The following MSGN1 variants were observed in gnomAD, a reference collection of about 807,000 sequenced individuals.
The protein encoded by MSGN1 is mesogenin 1.
In MSGN1, 3 loss-of-function variants were observed where a neutral mutation model predicts 10.1. The observed-to-expected ratio is 0.30, with a 90% CI of 0.13 to 0.76. The LOEUF is 0.76. Among genes scored for constraint, MSGN1 ranks in the 30% least tolerant of loss-of-function variants. The pLI is 0.67. For synonymous variants in MSGN1, 110 were observed against 103.8 expected, an observed-to-expected ratio of 1.06 and a Z score of -0.37; for missense variants, 244 against 244.5, an observed-to-expected ratio of 1.00 and a Z score of 0.01.
chr2:17,817,551 T>C lies in MSGN1; in HGVS notation c.*451T>C, dbSNP rs1673594635. ...ATATCTGGATTCTTATTTAGAAAGA[T>C]TTGTGCCAAGTAAAGGGCTTTAGTG... On this transcript the variant is annotated 3_prime_UTR_variant, in exon 1 of 1. Transcript: ENST00000281047. Among the ~76,000 whole-genome samples, 1 of 152,228 alleles carries C rather than the reference T, an allele frequency of 6.6e-6. No individual in the cohort carries two copies. The highest frequency in any genetic ancestry group is 1.5e-5 in the Non-Finnish European group (1 of 68,048).
chr2:17,817,226 T>A lies in MSGN1; in HGVS notation c.*126T>A. 1.2e-6 allele frequency: 1 copy of A among 831,268 alleles called. No homozygotes were observed. The allele number at this position is 831,268 out of a possible 1,614,324, so 51.5% of individuals were successfully genotyped here. A position where few individuals can be genotyped will look rare whatever the true frequency, so the allele number is the denominator to read the frequency against. ...TTTTTATGTAGTAAGCCTGATAATC[T>A]TGTGATCTGAAAAACCCTAAGGGAA... On this transcript the variant is annotated 3_prime_UTR_variant, in exon 1 of 1. Transcript: ENST00000281047.
Position 17,816,699 on chromosome 2 carries a change from T to C in MSGN1, c.181T>C (p.Cys61Arg). 1.2e-6 allele frequency: 2 copies of C among 1,614,220 alleles called. No individual in the cohort carries two copies. The highest frequency in any genetic ancestry group is 1.7e-6 in the Non-Finnish European group (2 of 1,180,022). Reference protein sequence around the residue: ...PSLESYSSSPCPAVAGLPCEH... With the variant: ...PSLESYSSSPRPAVAGLPCEH... Reference sequence around the variant, plus strand: ...GCTGGAATCCTATTCTTCTTCTCCCTGTCCAGCTGTGGCTGGGCTGCCCTG... The same window carrying C: ...GCTGGAATCCTATTCTTCTTCTCCCCGTCCAGCTGTGGCTGGGCTGCCCTG... The change falls in exon 1 of 1, where the codon TGT becomes CGT. Residue 61 changes from cysteine (C) to arginine (R), a missense_variant. Coordinates refer to ENST00000281047, the MANE Select transcript of MSGN1 (RefSeq NM_001105569.3).
Position 17,816,956 on chromosome 2 carries a change from C to T in MSGN1, c.438C>T (p.Thr146=), listed in dbSNP as rs770212303. 2 of 1,614,204 alleles carry T rather than the reference C, an allele frequency of 1.2e-6. No individual in the cohort carries two copies. Among genetic ancestry groups the T allele is most frequent in the Non-Finnish European group, 8.5e-7 (1 of 1,180,032 alleles). Residue 146 remains threonine (T), a synonymous_variant, in exon 1 of 1, where the codon ACC becomes ACT. Coordinates refer to ENST00000281047, the MANE Select transcript of MSGN1 (RefSeq NM_001105569.3). ...RMRTLADALH[T]LRNYLPPVYS... is the part of the protein sequence containing the mutation. ...GGACCTTGGCAGATGCCCTGCACACCCTCCGGAATTACCTGCCACCTGTCT... is the reference window on the plus strand; with the variant it reads ...GGACCTTGGCAGATGCCCTGCACACTCTCCGGAATTACCTGCCACCTGTCT...
Position 17,816,896 on chromosome 2 carries a change from G to A in MSGN1, c.378G>A (p.Arg126=). 1 of 1,614,248 alleles carries A rather than the reference G, an allele frequency of 6.2e-7. No homozygotes were observed. Among genetic ancestry groups the A allele is most frequent in the Non-Finnish European group, 8.5e-7 (1 of 1,180,034 alleles). The change falls in exon 1 of 1, where the codon AGG becomes AGA. Residue 126 remains arginine, a synonymous_variant. Coordinates refer to ENST00000281047, the MANE Select transcript of MSGN1 (RefSeq NM_001105569.3). ...GTKVRMSVQR[R]RKASEREKLR... ...AAGTCAGGATGTCTGTCCAGCGGAG[G>A]CGGAAAGCCAGCGAGAGGGAGAAGC...
In MSGN1 at chr2:17,816,559, G is replaced by C. The variant is rs1673569775; in HGVS notation, c.41G>C (p.Gly14Ala). Residue 14 changes from glycine to alanine, a missense_variant, in exon 1 of 1, where the codon GGC (glycine) becomes GCC (alanine). Gly to Ala is a moderately conservative substitution (Grantham distance 60, BLOSUM62 0). Coordinates refer to ENST00000281047, the MANE Select transcript of MSGN1 (RefSeq NM_001105569.3). ...LRETFLSLED[G>A]LGSSDSPGLL... ...GAGACTTTCCTCAGCCTCGAGGATG[G>C]CTTGGGCTCCTCTGACAGCCCTGGC... is the stretch of plus-strand genomic sequence containing the variant. 3.1e-6 allele frequency: 5 copies of C among 1,608,642 alleles called. No individual in the cohort carries two copies. The highest frequency in any genetic ancestry group is 3.4e-5 in the Admixed American group (2 of 59,624).
In MSGN1 at chr2:17,816,673, C is replaced by T. The variant is rs1257232969; in HGVS notation, c.155C>T (p.Ser52Leu). Residue 52 changes from serine (S) to leucine (L), a missense_variant, in exon 1 of 1, where the codon TCG (serine) becomes TTG (leucine). Physicochemically the swap from Ser to Leu is moderately radical, Grantham distance 145. Transcript: ENST00000281047. ...SPSQSLSPAP[S>L]LESYSSSPCP... ...TCTCAGAGCCTTTCCCCGGCTCCAT[C>T]GCTGGAATCCTATTCTTCTTCTCCC... is the stretch of plus-strand genomic sequence containing the variant. 2.5e-6 allele frequency: 4 copies of T among 1,614,154 alleles called. No homozygotes were observed. In the African/African-American group the frequency reaches 5.3e-5, roughly 22 times the overall value.
At position 17,817,098 on chromosome 2, in the gene MSGN1, T is replaced by C; in HGVS notation, c.580T>C (p.Ter194ArgextTer16). 2.5e-6 allele frequency: 4 copies of C among 1,611,106 alleles called. No homozygotes were observed. The East Asian group carries it at 6.7e-5, about 27-fold the overall frequency. The change falls in exon 1 of 1, where the codon TGA (stop) becomes CGA (arginine). Residue 194 changes from the stop codon to arginine, a stop_lost. Coordinates refer to ENST00000281047, the MANE Select transcript of MSGN1 (RefSeq NM_001105569.3). ...RGREPRAQSA* is the reference protein window; with the variant it reads ...RGREPRAQSAR ...CAGAGAGCCCAGAGCCCAGAGCGCG[T>C]GAGCTCCATCCGGGGAAACTGACCG...
In MSGN1 at chr2:17,817,240, AC is replaced by A; in HGVS notation, c.*143del. The A allele has an allele frequency of 1.3e-6, 1 of 764,380 alleles. No homozygotes were observed. The highest frequency in any genetic ancestry group is 2.1e-6 in the Non-Finnish European group (1 of 477,568). 47.3% of individuals were successfully genotyped at this position (764,380 alleles called of 1,614,324 possible). A position where few individuals can be genotyped will look rare whatever the true frequency, so the allele number is the denominator to read the frequency against. ...GCCTGATAATCTTGTGATCTGAAAA[AC>A]CCTAAGGGAATTCACATGTAACCTG... On this transcript the variant is annotated 3_prime_UTR_variant, in exon 1 of 1. Transcript: ENST00000281047.
Position 17,816,466 on chromosome 2 carries a change from ATT to A in MSGN1, c.-50_-49del. ...AGCTCTTCCCTGGCCAGGCGGCAGA[ATT>A]TTCTTTCTCACTTGCCAGGGAGCCA... On this transcript the variant is annotated 5_prime_UTR_variant, in exon 1 of 1. Transcript: ENST00000281047. The A allele has an allele frequency of 6.8e-7, 1 of 1,466,318 alleles. No homozygotes were observed. The highest frequency in any genetic ancestry group is 1.4e-5 in the South Asian group (1 of 72,118). The allele number at this position is 1,466,318 out of a possible 1,614,324, so 90.8% of individuals were successfully genotyped here.
Position 17,817,086 on chromosome 2 carries a change from G to A in MSGN1, c.568G>A (p.Ala190Thr). ...DLLNRGREPR[A>T]QSA ...CCTTAACCGCGGCAGAGAGCCCAGA[G>A]CCCAGAGCGCGTGAGCTCCATCCGG... Residue 190 changes from alanine to threonine, a missense_variant, in exon 1 of 1, where the codon GCC becomes ACC. Ala to Thr is a moderately conservative substitution (Grantham distance 58). Coordinates refer to ENST00000281047, the MANE Select transcript of MSGN1 (RefSeq NM_001105569.3). 1.2e-6 allele frequency: 2 copies of A among 1,613,284 alleles called. No homozygotes were observed. Among genetic ancestry groups the A allele is most frequent in the East Asian group, 2.2e-5 (1 of 44,866 alleles).
Position 17,816,758 on chromosome 2 carries a change from A to T in MSGN1, c.240A>T (p.Glu80Asp), listed in dbSNP as rs34069439. The T allele has an allele frequency of 0.53, 853,766 of 1,613,662 alleles. 237,397 individuals carry two copies. The highest frequency in any genetic ancestry group is 0.68 in the Middle Eastern group (4,133 of 6,056). ...GCGGGGCCAGCAGTGGGGGCAGCGA[A>T]GGCTGCAGTGTCGGTGGGGCCAGTG... ...EHGGASSGGS[E>D]GCSVGGASGL... Residue 80 changes from glutamate (E) to aspartate (D), a missense_variant, in exon 1 of 1, where the codon GAA (glutamate) becomes GAT (aspartate). By Grantham distance (45) the Glu-to-Asp change is conservative. Coordinates refer to ENST00000281047, the MANE Select transcript of MSGN1 (RefSeq NM_001105569.3).
rs1254468770 is a variant in MSGN1, at chr2:17,816,645, C to T, written c.127C>T (p.Pro43Ser). Reference protein sequence around the residue: ...AGPFELNQASPSQSLSPAPSL... With the variant: ...AGPFELNQASSSQSLSPAPSL... ...GCCCTTTGAGCTGAATCAGGCCTCC[C>T]CCTCTCAGAGCCTTTCCCCGGCTCC... The change falls in exon 1 of 1, where the codon CCC becomes TCC. Residue 43 changes from proline to serine, a missense_variant. Transcript: ENST00000281047. 1 of 1,614,270 alleles carries T rather than the reference C, an allele frequency of 6.2e-7. No individual in the cohort carries two copies. Among genetic ancestry groups the T allele is most frequent in the Admixed American group, 1.7e-5 (1 of 60,038 alleles).
chr2:17,817,044 G>A lies in MSGN1; in HGVS notation c.526G>A (p.Gly176Arg), dbSNP rs572178319. 3.1e-6 allele frequency: 5 copies of A among 1,613,848 alleles called. No individual in the cohort carries two copies. The East Asian group carries it at 8.9e-5, about 29-fold the overall frequency. Reference sequence around the variant, plus strand: ...ACTCAAGTACACCATCAAGTACATCGGGGAACTCACAGACCTCCTTAACCG... The same window carrying A: ...ACTCAAGTACACCATCAAGTACATCAGGGAACTCACAGACCTCCTTAACCG... ...QTLKYTIKYIGELTDLLNRGR... is the reference protein window; with the variant it reads ...QTLKYTIKYIRELTDLLNRGR... The change falls in exon 1 of 1, where the codon GGG becomes AGG. Residue 176 changes from glycine to arginine, a missense_variant. Coordinates refer to ENST00000281047, the MANE Select transcript of MSGN1 (RefSeq NM_001105569.3).
In MSGN1 at chr2:17,816,863, G is replaced by A. The variant is rs79834893; in HGVS notation, c.345G>A (p.Lys115=). Residue 115 remains lysine (K), a synonymous_variant, in exon 1 of 1, where the codon AAG becomes AAA. Transcript: ENST00000281047. ...LQGGGGPKAQ[K]GTKVRMSVQR... Reference sequence around the variant, plus strand: ...GCGGTGGTGGCCCCAAGGCCCAGAAGGGCACCAAAGTCAGGATGTCTGTCC... The same window carrying A: ...GCGGTGGTGGCCCCAAGGCCCAGAAAGGCACCAAAGTCAGGATGTCTGTCC... 1.1e-3 allele frequency: 1,834 copies of A among 1,614,194 alleles called. 24 individuals carry two copies. The African/African-American group carries it at 0.021, about 19-fold the overall frequency.
At position 17,817,188 on chromosome 2, in the gene MSGN1, C is replaced by T. The variant is rs563651416; in HGVS notation, c.*88C>T. Reference sequence around the variant, plus strand: ...CCTGGATATCTTATTGAACAATGATCGGCGTAGAGTGATTTTTATGTAGTA... The same window carrying T: ...CCTGGATATCTTATTGAACAATGATTGGCGTAGAGTGATTTTTATGTAGTA... On this transcript the variant is annotated 3_prime_UTR_variant, in exon 1 of 1. Coordinates refer to ENST00000281047, the MANE Select transcript of MSGN1 (RefSeq NM_001105569.3). 3.7e-5 allele frequency: 40 copies of T among 1,084,810 alleles called. No individual in the cohort carries two copies. In the South Asian group the frequency reaches 5.6e-4, roughly 15 times the overall value. 67.2% of individuals were successfully genotyped at this position (1,084,810 alleles called of 1,614,324 possible).
Position 17,817,075 on chromosome 2 carries a change from G to A in MSGN1, c.557G>A (p.Arg186Lys). 6.2e-7 allele frequency: 1 copy of A among 1,613,872 alleles called. No individual in the cohort carries two copies. Among genetic ancestry groups the A allele is most frequent in the Non-Finnish European group, 8.5e-7 (1 of 1,179,812 alleles). ...CTCACAGACCTCCTTAACCGCGGCAGAGAGCCCAGAGCCCAGAGCGCGTGA... is the reference window on the plus strand; with the variant it reads ...CTCACAGACCTCCTTAACCGCGGCAAAGAGCCCAGAGCCCAGAGCGCGTGA... Reference protein sequence around the residue: ...GELTDLLNRGREPRAQSA With the variant: ...GELTDLLNRGKEPRAQSA Residue 186 changes from arginine to lysine, a missense_variant, in exon 1 of 1, where the codon AGA (arginine) becomes AAA (lysine). By Grantham distance (26) the Arg-to-Lys change is conservative (BLOSUM62 2). Transcript: ENST00000281047.
At position 17,816,596 on chromosome 2, in the gene MSGN1, C is replaced by T. The variant is rs371504389; in HGVS notation, c.78C>T (p.Ser26=). ...CTGACAGCCCTGGCCTGCTGTCTTC[C>T]TGGGACTGGAAGGACAGGGCAGGGC... ...GSSDSPGLLS[S]WDWKDRAGPF... is the part of the protein sequence containing the mutation. The change falls in exon 1 of 1, where the codon TCC becomes TCT. Residue 26 remains serine, a synonymous_variant. Transcript: ENST00000281047. 26 of 1,614,102 alleles carry T rather than the reference C, an allele frequency of 1.6e-5. No homozygotes were observed. Among genetic ancestry groups the T allele is most frequent in the Middle Eastern group, 3.3e-4 (2 of 6,084 alleles).
rs561750280 is a variant in MSGN1 at position 17,817,040 on chromosome 2, C to T, written c.522C>T (p.Tyr174=). ...AGACACTCAAGTACACCATCAAGTA[C>T]ATCGGGGAACTCACAGACCTCCTTA... is the stretch of plus-strand genomic sequence containing the variant. ...KIQTLKYTIK[Y]IGELTDLLNR... is the part of the protein sequence containing the mutation. Residue 174 remains tyrosine, a synonymous_variant, in exon 1 of 1, where the codon TAC becomes TAT. Transcript: ENST00000281047. 106 of 1,613,878 alleles carry T rather than the reference C, an allele frequency of 6.6e-5. No individual in the cohort carries two copies. In the South Asian group the frequency reaches 1.1e-3, roughly 17 times the overall value.
Position 17,817,093 on chromosome 2 carries a change from G to C in MSGN1, c.575G>C (p.Ser192Thr). 1 of 1,612,148 alleles carries C rather than the reference G, an allele frequency of 6.2e-7. No individual in the cohort carries two copies. Among genetic ancestry groups the C allele is most frequent in the Non-Finnish European group, 8.5e-7 (1 of 1,178,514 alleles). ...LNRGREPRAQ[S>T]A is the part of the protein sequence containing the mutation. ...CGCGGCAGAGAGCCCAGAGCCCAGA[G>C]CGCGTGAGCTCCATCCGGGGAAACT... The change falls in exon 1 of 1, where the codon AGC (serine) becomes ACC (threonine). Residue 192 changes from serine to threonine, a missense_variant. Physicochemically the swap from Ser to Thr is moderately conservative, Grantham distance 58 (BLOSUM62 1). Transcript: ENST00000281047.
Sources: gnomAD v4.1 joint callset for allele counts (sites outside exome capture counted in the v4.1 genomes callset) on GRCh38, gnomAD v4.1.1 for gene constraint, MANE v1.5 for transcripts, NCBI Gene and HGNC (gene_info 2026-07-23, HGNC 2026-07-21) for gene names.